LINS1: variants seen among roughly 807,000 people sequenced by gnomAD.
The protein encoded by LINS1 is protein Lines homolog 1.
LINS1 carries 27 observed loss-of-function variants against 41.6 expected under a neutral mutation model. The ratio of observed to expected loss-of-function variants is 0.65; its 90% CI spans 0.48 to 0.89. The LOEUF (loss-of-function observed/expected upper bound fraction) is 0.89. Ranked by LOEUF, LINS1 falls within the 40% of genes least tolerant of loss-of-function variation. LINS1 has a pLI of 0.00. For missense variants in LINS1, 955 were observed against 884.1 expected (o/e 1.08, Z -1.02); for synonymous variants, 336 against 312.9 (o/e 1.07, Z -0.78).
At chr15:100,585,919 T>C (rs994968789) in intron 1 of LINS1, among the ~76,000 whole-genome samples, 2 of 152,224 alleles carry the variant, frequency 1.3e-5, no homozygotes, top group African/African-American at 4.8e-5. Flanking sequence ...GCTAGATATT[T>C]TGGGATGTCA....
intron 1 of LINS1, among the ~76,000 whole-genome samples, chr15:100,599,252 C>A (rs2039370846): frequency 6.6e-6 from 1 of 152,140 alleles, no homozygotes; most frequent in Non-Finnish European, 1.5e-5. Flanking sequence ...TCAATATTAA[C>A]TTGTTATAAA....
At position 100,590,268 on chromosome 15, in the gene LINS1, T is replaced by A. The variant is rs185537225; in HGVS notation, c.-103-9323A>T. On this transcript the variant is annotated intron_variant, in intron 1 of 6. Transcript: ENST00000314742. Reference sequence around the variant, plus strand: ...AAAGGGGGTCTGTTGTATGCACTTATGGGGTACACTTTTATTTGTGAAGGA... The same window carrying A: ...AAAGGGGGTCTGTTGTATGCACTTAAGGGGTACACTTTTATTTGTGAAGGA... 5.3e-4 allele frequency among the ~76,000 whole-genome samples: 81 copies of A among 152,340 alleles called. 1 individual carries two copies. Among genetic ancestry groups the A allele is most frequent in the Admixed American group, 1.8e-3 (28 of 15,300 alleles).
chr15:100,574,896 A>G, intron 4 of LINS1, 91 bp downstream of exon 4: 2 of 1,277,640 alleles, frequency 1.6e-6, no homozygotes, highest in Non-Finnish European at 2.3e-6. Flanking sequence ...AAGACAGATC[A>G]GATGTTCCAA....
At chr15:100,577,205 G>T (rs898725064) in intron 3 of LINS1, among the ~76,000 whole-genome samples, 1 of 152,094 alleles carries the variant, frequency 6.6e-6, no homozygotes, top group Non-Finnish European at 1.5e-5. Flanking sequence ...AGAAACAAAG[G>T]GTATTCAACT....
At chr15:100,590,248 G>A (rs180902582) in intron 1 of LINS1, among the ~76,000 whole-genome samples, 114 of 152,162 alleles carry the variant, frequency 7.5e-4, no homozygotes, top group African/African-American at 2.7e-3. Flanking sequence ...AATGAAAAGG[G>A]GGTCTGTTGT....
In LINS1 at chr15:100,566,955, C is replaced by T. The variant is rs201285450; in HGVS notation, c.*2283G>A. 1 of 152,154 alleles carries T rather than the reference C, an allele frequency of 6.6e-6. No individual in the cohort carries two copies. The highest frequency in any genetic ancestry group is 1.9e-4 in the East Asian group (1 of 5,190). The allele number at this position is 152,154 out of a possible 1,614,324, so 9.4% of individuals were successfully genotyped here. ...ATAATGCATTCAACATTTATGTACC[C>T]TTAGGAACAAGAGTCGATTTTTTTT... On this transcript the variant is annotated 3_prime_UTR_variant, in exon 7 of 7. Coordinates refer to ENST00000314742, the MANE Select transcript of LINS1 (RefSeq NM_001040616.3).
intron 1 of LINS1, among the ~76,000 whole-genome samples, chr15:100,587,168 A>AAC (rs2038842326): frequency 6.7e-6 from 1 of 148,572 alleles, no homozygotes; most frequent in Admixed American, 6.7e-5. Context: ...AAAAAAAAAA[A>AAC]AAAAAAAAAA....
Position 100,571,895 on chromosome 15 carries a change from T to G in LINS1, c.1393A>C (p.Arg465=), listed in dbSNP as rs757529881. 9 of 1,613,856 alleles carry G rather than the reference T, an allele frequency of 5.6e-6. No homozygotes were observed. Among genetic ancestry groups the G allele is most frequent in the Non-Finnish European group, 7.6e-6 (9 of 1,179,836 alleles). ...ASLGIYLTLT[R]GCEATESLTQ... ...ATAATTACTTTAAAATACACTAACC[T>G]GGTCAGTGTTAAGTAGATGCCCAGT... Residue 465 remains arginine (R), a splice_region_variant and synonymous_variant, in exon 6 of 7, where the codon AGA becomes CGA. Transcript: ENST00000314742.
In LINS1 at chr15:100,580,560, C is replaced by T. The variant is rs767062904; in HGVS notation, c.283G>A (p.Val95Met). 2.5e-6 allele frequency: 4 copies of T among 1,614,054 alleles called. No homozygotes were observed. The South Asian group carries it at 3.3e-5, about 13-fold the overall frequency. ...SREVMLLQLT[V>M]IKVMTTRILS... The stretch of plus-strand genomic sequence containing the variant: ...ATCCGGGTTGTCATCACTTTGATCA[C>T]TGTTAACTGAAGGAGCATTACTTCT... Residue 95 changes from valine to methionine, a missense_variant, in exon 2 of 7, where the codon GTG (valine) becomes ATG (methionine). Transcript: ENST00000314742.
rs778115268 is a variant in LINS1, at chr15:100,570,142, G to A, written c.1395-25C>T. 4 of 1,552,642 alleles carry A rather than the reference G, an allele frequency of 2.6e-6. No homozygotes were observed. In the South Asian group the frequency reaches 4.6e-5, roughly 18 times the overall value. On this transcript the variant is annotated intron_variant, in intron 6 of 6. Coordinates refer to ENST00000314742, the MANE Select transcript of LINS1 (RefSeq NM_001040616.3). ...TCTGAAAATGAAGATAATGGAGAAT[G>A]CAGATTAATGACCTTACAAAAATAA...
rs558521493 is a variant in LINS1 at position 100,569,965 on chromosome 15, G to A, written c.1547C>T (p.Ser516Leu). 3.8e-6 allele frequency: 6 copies of A among 1,576,558 alleles called. No individual in the cohort carries two copies. In the South Asian group the frequency reaches 5.9e-5, roughly 15 times the overall value. Residue 516 changes from serine to leucine, a missense_variant, in exon 7 of 7, where the codon TCA becomes TTA. Coordinates refer to ENST00000314742, the MANE Select transcript of LINS1 (RefSeq NM_001040616.3). ...AAAATATTCAAGAAAACAGGTTTCTGATGAAATCAAAAAGTCAAGAAGAAC... is the reference window on the plus strand; with the variant it reads ...AAAATATTCAAGAAAACAGGTTTCTAATGAAATCAAAAAGTCAAGAAGAAC... Reference protein sequence around the residue: ...STVLLDFLISSETCFLEYFVR... With the variant: ...STVLLDFLISLETCFLEYFVR...
intron 3 of LINS1, among the ~76,000 whole-genome samples, chr15:100,577,549 C>A (rs1409112589): frequency 6.6e-6 from 1 of 152,186 alleles, no homozygotes; most frequent in Non-Finnish European, 1.5e-5. Context: ...GAAGAACATT[C>A]CATGCTCATG....
rs144575104 is a variant in LINS1, at chr15:100,580,709, G to A, written c.134C>T (p.Thr45Ile). 5.3e-5 allele frequency: 86 copies of A among 1,613,310 alleles called. 3 individuals carry two copies. The African/African-American group carries it at 1.0e-3, about 19-fold the overall frequency. ...ACAGGTGTTTGCCCATTCTAAGGAG[G>A]TGGCTGTAGAACAATCTTGATCTGA... The part of the protein sequence containing the change: ...AVSDQDCSTA[T>I]SLEWANTCGI... The change falls in exon 2 of 7, where the codon ACC becomes ATC. Residue 45 changes from threonine (T) to isoleucine (I), a missense_variant. Transcript: ENST00000314742.
chr15:100,580,858 G>GT lies in LINS1; in HGVS notation c.-17dup, dbSNP rs756343178. 1.2e-6 allele frequency: 2 copies of GT among 1,606,566 alleles called. No homozygotes were observed. The highest frequency in any genetic ancestry group is 1.3e-5 in the African/African-American group (1 of 74,898). ...AAACTTTCATTTTGACTTCCAAAAT[G>GT]TATCTTATAAGAAGGTCGACAACTC... On this transcript the variant is annotated 5_prime_UTR_variant, in exon 2 of 7. Coordinates refer to ENST00000314742, the MANE Select transcript of LINS1 (RefSeq NM_001040616.3).
At chr15:100,588,763 G>A (rs1157794108) in intron 1 of LINS1, among the ~76,000 whole-genome samples, 2 of 152,160 alleles carry the variant, frequency 1.3e-5, no homozygotes, top group Non-Finnish European at 2.9e-5. Context: ...ATAAATTCTT[G>A]TCCTAAAGTA....
At chr15:100,588,018 A>G (rs1313277797) in intron 1 of LINS1, among the ~76,000 whole-genome samples, 3 of 152,228 alleles carry the variant, frequency 2.0e-5, no homozygotes, top group Non-Finnish European at 2.9e-5. Flanking sequence ...GCCTCTCTCA[A>G]TTTGTGCCAA....
intron 3 of LINS1, 45 bp from the exon 4 acceptor site, chr15:100,575,173 C>A: frequency 6.5e-7 from 1 of 1,527,188 alleles, no homozygotes; most frequent in Non-Finnish European, 9.0e-7. Flanking sequence ...ACAATATTTT[C>A]TTTACATAAT....
intron 1 of LINS1, among the ~76,000 whole-genome samples, chr15:100,587,765 G>C (rs2038873346): frequency 6.6e-6 from 1 of 152,084 alleles, no homozygotes; most frequent in South Asian, 2.1e-4. Context: ...AACTTCTTTG[G>C]AGTTTAGGCT....
intron 5 of LINS1, 115 bp downstream of exon 5, chr15:100,573,536 T>C: frequency 1.3e-6 from 1 of 797,834 alleles, no homozygotes; most frequent in Non-Finnish European, 2.0e-6. Flanking sequence ...ACAAATAGGA[T>C]AACATACAGC....
Sources: gnomAD v4.1 joint callset for allele counts (sites outside exome capture counted in the v4.1 genomes callset) on GRCh38, gnomAD v4.1.1 for gene constraint, MANE v1.5 for transcripts, NCBI Gene and HGNC (gene_info 2026-07-23, HGNC 2026-07-21) for gene names.